Variants in NAV2 observed in about 807,000 individuals in gnomAD.
NAV2 encodes neuron navigator 2.
NAV2 carries 54 observed loss-of-function variants against 223.2 expected under a neutral mutation model. The ratio of observed to expected loss-of-function variants is 0.24; its 90% CI spans 0.19 to 0.30. The LOEUF (loss-of-function observed/expected upper bound fraction) is 0.30, where lower values mean the gene tolerates loss of function less well. Ranked by LOEUF, NAV2 falls within the 10% of genes least tolerant of loss-of-function variation. The pLI is 1.00. For missense variants in NAV2, 2,806 were observed against 3,147.5 expected, an observed-to-expected ratio of 0.89 and a Z score of 2.60; for synonymous variants, 1,279 against 1,239.3, an observed-to-expected ratio of 1.03 and a Z score of -0.67.
intron 27 of NAV2, among the ~76,000 whole-genome samples, chr11:20,091,899 G>C (rs946304038): frequency 3.9e-5 from 6 of 152,164 alleles, no homozygotes; most frequent in African/African-American, 1.4e-4. Flanking sequence ...GCCTGTAAAA[G>C]CCAGAGTTGC....
chr11:19,890,257 T>C (rs1313693993), intron 5 of NAV2, among the ~76,000 whole-genome samples: 2 of 152,204 alleles, frequency 1.3e-5, no homozygotes, highest in Non-Finnish European at 2.9e-5. Context: ...ACCTGTATTC[T>C]ATCCATTACA....
At chr11:19,355,130 A>C (rs1397840248) in intron 1 of NAV2, among the ~76,000 whole-genome samples, 1 of 152,150 alleles carries the variant, frequency 6.6e-6, no homozygotes, top group Non-Finnish European at 1.5e-5. Context: ...ACAGACACCT[A>C]TTGATCAGTC....
intron 11 of NAV2, among the ~76,000 whole-genome samples, chr11:20,011,000 G>T (rs1455164128): frequency 6.6e-6 from 1 of 152,154 alleles, no homozygotes; most frequent in Non-Finnish European, 1.5e-5. Context: ...AATGAAATCA[G>T]GCTTTCCCAT....
At chr11:19,834,044 A>G (rs894695172) in intron 2 of NAV2, among the ~76,000 whole-genome samples, 8 of 151,974 alleles carry the variant, frequency 5.3e-5, no homozygotes, top group Middle Eastern at 3.2e-3. Context: ...GCAATAGTCT[A>G]TTGGTTAGAA....
At chr11:19,950,369 C>T (rs1026001949) in intron 10 of NAV2, among the ~76,000 whole-genome samples, 3 of 152,142 alleles carry the variant, frequency 2.0e-5, no homozygotes, top group Admixed American at 6.6e-5. Context: ...ATATCATAGT[C>T]CCCATTTTAG....
chr11:19,470,883 C>T (rs925860383), intron 1 of NAV2, among the ~76,000 whole-genome samples: 3 of 152,134 alleles, frequency 2.0e-5, no homozygotes, highest in African/African-American at 7.2e-5. Flanking sequence ...CCCTTCTCTT[C>T]CTTCTCTTGT....
chr11:19,792,117 G>A (rs2057563589), intron 1 of NAV2, among the ~76,000 whole-genome samples: 1 of 152,210 alleles, frequency 6.6e-6, no homozygotes, highest in Non-Finnish European at 1.5e-5. Context: ...ATATACCAAA[G>A]TGGTGGTGGG....
At chr11:19,891,663 A>G (rs1010636628) in intron 5 of NAV2, among the ~76,000 whole-genome samples, 7 of 152,218 alleles carry the variant, frequency 4.6e-5, no homozygotes, top group African/African-American at 1.7e-4. Context: ...AGGGAAATGT[A>G]TGTGTGGGCA....
chr11:19,739,341 G>A (rs2052599990), intron 1 of NAV2, among the ~76,000 whole-genome samples: 1 of 152,168 alleles, frequency 6.6e-6, no homozygotes, highest in Admixed American at 6.5e-5. Context: ...GCAACCTAGA[G>A]CATTCTCATT....
chr11:20,105,644 T>G lies in NAV2; in HGVS notation c.6758T>G (p.Val2253Gly). ...ISGRVRNMEL[V>G]KIIDWIPKVW... ...GGGCGGGTGCGCAATATGGAGCTGGTAAAAATCATTGACTGGATTCCCAAG... is the reference window on the plus strand; with the variant it reads ...GGGCGGGTGCGCAATATGGAGCTGGGAAAAATCATTGACTGGATTCCCAAG... Residue 2253 changes from valine to glycine, a missense_variant, in exon 35 of 38, where the codon GTA (valine) becomes GGA (glycine). Around this residue, in one of 4 missense-constraint regions of NAV2, gnomAD observed 824 missense variants for 1,069.4 expected, o/e 0.77. Coordinates refer to ENST00000349880, the MANE Select transcript of NAV2 (RefSeq NM_145117.5). 1 of 1,613,938 alleles carries G rather than the reference T, an allele frequency of 6.2e-7. No individual in the cohort carries two copies. Among genetic ancestry groups the G allele is most frequent in the African/African-American group, 1.3e-5 (1 of 74,996 alleles).
intron 3 of NAV2, among the ~76,000 whole-genome samples, chr11:19,867,939 C>T (rs905254060): frequency 1.4e-4 from 21 of 152,178 alleles, no homozygotes; most frequent in African/African-American, 4.6e-4. Flanking sequence ...TGTGAAGGAG[C>T]ATTGGGAAAT....
intron 1 of NAV2, among the ~76,000 whole-genome samples, chr11:19,574,872 A>C (rs2045526657): frequency 6.6e-6 from 1 of 152,226 alleles, no homozygotes; most frequent in African/African-American, 2.4e-5. Flanking sequence ...CAAAGGAAAC[A>C]ACATTTGAAG....
chr11:19,446,297 T>G (rs113011572), intron 1 of NAV2, among the ~76,000 whole-genome samples: 75 of 152,276 alleles, frequency 4.9e-4, no homozygotes, highest in African/African-American at 1.6e-3. Flanking sequence ...ATCATAGCTA[T>G]GGGTTCCTAG....
At chr11:20,005,204 A>G (rs1239298846) in intron 11 of NAV2, among the ~76,000 whole-genome samples, 2 of 151,380 alleles carry the variant, frequency 1.3e-5, no homozygotes, top group African/African-American at 4.9e-5. Flanking sequence ...TTTGAGAACA[A>G]TTTCAATCCC....
At chr11:19,750,762 C>T (rs953437135) in intron 1 of NAV2, among the ~76,000 whole-genome samples, 1 of 152,230 alleles carries the variant, frequency 6.6e-6, no homozygotes, top group Admixed American at 6.5e-5. Context: ...CCAGGCTCCT[C>T]TTGGCCCTTT....
At chr11:19,428,225 C>T (rs1357262717) in intron 1 of NAV2, among the ~76,000 whole-genome samples, 7 of 152,042 alleles carry the variant, frequency 4.6e-5, no homozygotes, top group African/African-American at 1.4e-4. Flanking sequence ...ATATTGGCAA[C>T]GAATTTAAAA....
rs117345585 is a variant in NAV2 at position 19,826,381 on chromosome 11, A to G, written c.268-6103A>G. Among the ~76,000 whole-genome samples, 830 of 152,300 alleles carry G rather than the reference A, an allele frequency of 5.4e-3. 6 individuals carry two copies. Among genetic ancestry groups the G allele is most frequent in the Non-Finnish European group, 9.4e-3 (641 of 68,028 alleles). On this transcript the variant is annotated intron_variant, in intron 1 of 37. Coordinates refer to ENST00000349880, the MANE Select transcript of NAV2 (RefSeq NM_145117.5). Reference sequence around the variant, plus strand: ...GGAAGCCTGCTTGCTTTAAGCCCTTACTCAAAATCTTGAGCCCTTACTCAA... The same window carrying G: ...GGAAGCCTGCTTGCTTTAAGCCCTTGCTCAAAATCTTGAGCCCTTACTCAA...
At chr11:19,455,599 AT>A (rs1714460965) in intron 1 of NAV2, among the ~76,000 whole-genome samples, 1 of 152,200 alleles carries the variant, frequency 6.6e-6, no homozygotes, top group African/African-American at 2.4e-5. Flanking sequence ...ATAACTGAAT[AT>A]AACCACAGCA....
intron 1 of NAV2, among the ~76,000 whole-genome samples, chr11:19,800,764 T>C (rs1276584394): frequency 1.3e-5 from 2 of 151,936 alleles, no homozygotes; most frequent in East Asian, 3.9e-4. Flanking sequence ...TTGGGAACTT[T>C]TGTGCTTTCA....
Sources: gnomAD v4.1 joint callset for allele counts (sites outside exome capture counted in the v4.1 genomes callset) on GRCh38, gnomAD v4.1.1 for gene constraint, gnomAD v4.1.1 regional missense constraint, MANE v1.5 for transcripts, NCBI Gene and HGNC (gene_info 2026-07-23, HGNC 2026-07-21) for gene names.